The following RAB15 variants were observed in gnomAD, a reference collection of about 807,000 sequenced individuals.
RAB15 encodes ras-related protein Rab-15.
RAB15 carries 13 observed loss-of-function variants against 31.8 expected under a neutral mutation model. The observed-to-expected ratio is 0.41, with a 90% CI of 0.27 to 0.65. The LOEUF (loss-of-function observed/expected upper bound fraction) is 0.65. Ranked by LOEUF, RAB15 falls within the 30% of genes least tolerant of loss-of-function variation. RAB15 has a pLI of 0.32. For missense variants in RAB15, 220 were observed against 277.3 expected (o/e 0.79, Z 1.47); for synonymous variants, 100 against 105.6 (o/e 0.95, Z 0.33).
chr14:64,958,688 G>T lies in RAB15; in HGVS notation c.125-6117C>A, dbSNP rs1192783531. On this transcript the variant is annotated intron_variant, in intron 1 of 6. Coordinates refer to ENST00000533601, the MANE Select transcript of RAB15 (RefSeq NM_001308154.2). The surrounding 1 kb of genome is among the most constrained non-coding windows in gnomAD (Gnocchi z 4.4). The stretch of plus-strand genomic sequence containing the variant: ...TTTCTTGGGTACAGAAAGAAATAGG[G>T]CACAGAAGTGTTAAGAAACAAGCAA... Among the ~76,000 whole-genome samples the T allele has an allele frequency of 2.0e-5, 3 of 152,002 alleles. No homozygotes were observed. Among genetic ancestry groups the T allele is most frequent in the African/African-American group, 7.3e-5 (3 of 41,374 alleles).
In RAB15 at chr14:64,968,628, T is replaced by G. The variant is rs1015705622; in HGVS notation, c.124+3325A>C. ...ATCTCATTTTGGCACTAGCTCTTTG[T>G]TTTTTGTTTTTCCCTTTGTCTTGCC... On this transcript the variant is annotated intron_variant, in intron 1 of 6. Coordinates refer to ENST00000533601, the MANE Select transcript of RAB15 (RefSeq NM_001308154.2). This position sits in a 1 kb window ranked among gnomAD's most constrained non-coding sequence, Gnocchi z 4.9. Among the ~76,000 whole-genome samples, 1 of 152,104 alleles carries G rather than the reference T, an allele frequency of 6.6e-6. No homozygotes were observed. Among genetic ancestry groups the G allele is most frequent in the African/African-American group, 2.4e-5 (1 of 41,462 alleles).
chr14:64,949,489 G>A (rs902607527), intron 5 of RAB15, among the ~76,000 whole-genome samples: 2 of 151,938 alleles, frequency 1.3e-5, no homozygotes, highest in African/African-American at 4.8e-5. Context: ...GGGAGACTGA[G>A]GCAGGTGGAT....
chr14:64,971,874 T>C lies in RAB15; in HGVS notation c.124+79A>G. On this transcript the variant is annotated intron_variant, in intron 1 of 6. Transcript: ENST00000533601. The surrounding 1 kb of genome is among the most constrained non-coding windows in gnomAD (Gnocchi z 4.1). ...TCCAGCCGGAGGGGCTGGCAATTCC[T>C]CCCCAGCTGGGGACGGGGGCGGCGG... 7.3e-7 allele frequency: 1 copy of C among 1,374,876 alleles called. No homozygotes were observed. The highest frequency in any genetic ancestry group is 1.3e-5 in the South Asian group (1 of 78,052). 85.2% of individuals were successfully genotyped at this position (1,374,876 alleles called of 1,614,324 possible).
chr14:64,951,274 G>T lies in RAB15; in HGVS notation c.247-123C>A. The stretch of plus-strand genomic sequence containing the variant: ...TCCCATTCTCCCTGCTCAGCATCCA[G>T]AAATATCTCTTCTCTCAGACCCCAC... On this transcript the variant is annotated intron_variant, in intron 3 of 6. Coordinates refer to ENST00000533601, the MANE Select transcript of RAB15 (RefSeq NM_001308154.2). This position sits in a 1 kb window ranked among gnomAD's most constrained non-coding sequence, Gnocchi z 7.2. 1 of 790,454 alleles carries T rather than the reference G, an allele frequency of 1.3e-6. No homozygotes were observed. The highest frequency in any genetic ancestry group is 2.0e-6 in the Non-Finnish European group (1 of 488,326). The allele number at this position is 790,454 out of a possible 1,614,324, so 49.0% of individuals were successfully genotyped here.
Position 64,959,848 on chromosome 14 carries a change from CAAAA to C in RAB15, c.125-7281_125-7278del, listed in dbSNP as rs34981340. On this transcript the variant is annotated intron_variant, in intron 1 of 6. Coordinates refer to ENST00000533601, the MANE Select transcript of RAB15 (RefSeq NM_001308154.2). ...TGAGTGACAGAGCAGGACCCTGTCT[CAAAA>C]AAAAAAAAAAAAAAAAAAAAGCAAT... Among the ~76,000 whole-genome samples the C allele has an allele frequency of 2.0e-3, 84 of 42,054 alleles. No homozygotes were observed. The East Asian group carries it at 0.042, about 21-fold the overall frequency. The allele number at this position is 42,054 out of a possible 152,430, so 27.6% of individuals were successfully genotyped here.
chr14:64,962,244 AAC>A lies in RAB15; in HGVS notation c.125-9675_125-9674del, dbSNP rs1671451628. On this transcript the variant is annotated intron_variant, in intron 1 of 6. Coordinates refer to ENST00000533601, the MANE Select transcript of RAB15 (RefSeq NM_001308154.2). The surrounding 1 kb of genome is among the most constrained non-coding windows in gnomAD (Gnocchi z 4.2). Reference sequence around the variant, plus strand: ...AACAAAACAAAACAAACAAACAAAAAACAGTCCCAAGAAACCAATACGACCTA... The same window carrying A: ...AACAAAACAAAACAAACAAACAAAAAAGTCCCAAGAAACCAATACGACCTA... Among the ~76,000 whole-genome samples the A allele has an allele frequency of 6.6e-6, 1 of 152,058 alleles. No individual in the cohort carries two copies. The highest frequency in any genetic ancestry group is 2.1e-4 in the South Asian group (1 of 4,820).
chr14:64,947,949 AG>A lies in RAB15; in HGVS notation c.*404del. 1 of 171,494 alleles carries A rather than the reference AG, an allele frequency of 5.8e-6. No individual in the cohort carries two copies. The highest frequency in any genetic ancestry group is 1.2e-5 in the Non-Finnish European group (1 of 81,516). 10.6% of individuals were successfully genotyped at this position (171,494 alleles called of 1,614,324 possible). A position where few individuals can be genotyped will look rare whatever the true frequency, so the allele number is the denominator to read the frequency against. Reference sequence around the variant, plus strand: ...TTTGATACGAAACGCACCGGAGGGGAGGGGTCAGAGAAAGAGAAGTGGGGGA... The same window carrying A: ...TTTGATACGAAACGCACCGGAGGGGAGGGTCAGAGAAAGAGAAGTGGGGGA... On this transcript the variant is annotated 3_prime_UTR_variant, in exon 7 of 7. Coordinates refer to ENST00000533601, the MANE Select transcript of RAB15 (RefSeq NM_001308154.2). The surrounding 1 kb of genome is among the most constrained non-coding windows in gnomAD (Gnocchi z 5.6).
At chr14:64,964,518 C>CAAAAAA (rs1257040368) in intron 1 of RAB15, among the ~76,000 whole-genome samples, 1 of 71,888 alleles carries the variant, frequency 1.4e-5, no homozygotes, top group Non-Finnish European at 2.7e-5. Context: ...GACTCTGTTT[C>CAAAAAA]AAAAAAAAAA....
At chr14:64,949,604 TCTC>T (rs1280485543) in intron 5 of RAB15, among the ~76,000 whole-genome samples, 3 of 151,806 alleles carry the variant, frequency 2.0e-5, no homozygotes, top group African/African-American at 7.3e-5. Context: ...GCACCTGTAA[TCTC>T]AGCTACTTGG....
At position 64,951,816 on chromosome 14, in the gene RAB15, G is replaced by A. The variant is rs1365877778; in HGVS notation, c.186-153C>T. 1.3e-5 allele frequency among the ~76,000 whole-genome samples: 2 copies of A among 152,216 alleles called. No homozygotes were observed. The highest frequency in any genetic ancestry group is 2.9e-5 in the Non-Finnish European group (2 of 68,026). The stretch of plus-strand genomic sequence containing the variant: ...TCCCCACAGGGATCTGCAGTCAGAG[G>A]CCTGGTCATCTGTGCTGGTGCTGAC... On this transcript the variant is annotated intron_variant, in intron 2 of 6. Transcript: ENST00000533601. The surrounding 1 kb of genome is among the most constrained non-coding windows in gnomAD (Gnocchi z 7.2).
Position 64,955,843 on chromosome 14 carries a change from T to G in RAB15, c.125-3272A>C, listed in dbSNP as rs1046883224. Reference sequence around the variant, plus strand: ...CTTTAGTATCCGTGAGAAGAAGAGATATTCTCCATCTATCTCTGCCTCCAG... The same window carrying G: ...CTTTAGTATCCGTGAGAAGAAGAGAGATTCTCCATCTATCTCTGCCTCCAG... On this transcript the variant is annotated intron_variant, in intron 1 of 6. Transcript: ENST00000533601. The surrounding 1 kb of genome is among the most constrained non-coding windows in gnomAD (Gnocchi z 4.4). Among the ~76,000 whole-genome samples, 2 of 152,220 alleles carry G rather than the reference T, an allele frequency of 1.3e-5. No individual in the cohort carries two copies. Among genetic ancestry groups the G allele is most frequent in the African/African-American group, 2.4e-5 (1 of 41,454 alleles).
rs142970887 is a variant in RAB15, at chr14:64,969,293, G to A, written c.124+2660C>T. ...ACTATGACTTGGTAGCACTCATTTC[G>A]TTGGCTCCTTGATTTGTCTCCTGGC... is the stretch of plus-strand genomic sequence containing the variant. On this transcript the variant is annotated intron_variant, in intron 1 of 6. Coordinates refer to ENST00000533601, the MANE Select transcript of RAB15 (RefSeq NM_001308154.2). 3.4e-4 allele frequency among the ~76,000 whole-genome samples: 52 copies of A among 152,222 alleles called. 1 individual carries two copies. Among genetic ancestry groups the A allele is most frequent in the African/African-American group, 1.0e-3 (43 of 41,542 alleles).
Position 64,954,117 on chromosome 14 carries a change from C to T in RAB15, c.125-1546G>A, listed in dbSNP as rs1297333747. 2.0e-5 allele frequency: 20 copies of T among 985,320 alleles called. No individual in the cohort carries two copies. The highest frequency in any genetic ancestry group is 6.1e-5 in the Admixed American group (1 of 16,264). 61.0% of individuals were successfully genotyped at this position (985,320 alleles called of 1,614,324 possible). A position where few individuals can be genotyped will look rare whatever the true frequency, so the allele number is the denominator to read the frequency against. On this transcript the variant is annotated intron_variant, in intron 1 of 6. Coordinates refer to ENST00000533601, the MANE Select transcript of RAB15 (RefSeq NM_001308154.2). The surrounding 1 kb of genome is among the most constrained non-coding windows in gnomAD (Gnocchi z 4.3). ...GCAGAACGGGCAACCTGAACTAAAT[C>T]GATTTGGTCAGACGTGAATCATTTC...
Position 64,953,800 on chromosome 14 carries a change from T to G in RAB15, c.125-1229A>C. ...TAATTAAGCTTACGTCTTTGTGTACTCCCTGGAGCAAGGTCAGGAGTGGGC... is the reference window on the plus strand; with the variant it reads ...TAATTAAGCTTACGTCTTTGTGTACGCCCTGGAGCAAGGTCAGGAGTGGGC... On this transcript the variant is annotated intron_variant, in intron 1 of 6. Coordinates refer to ENST00000533601, the MANE Select transcript of RAB15 (RefSeq NM_001308154.2). The surrounding 1 kb of genome is among the most constrained non-coding windows in gnomAD (Gnocchi z 4.6). 2 of 985,378 alleles carry G rather than the reference T, an allele frequency of 2.0e-6. No individual in the cohort carries two copies. The highest frequency in any genetic ancestry group is 2.4e-6 in the Non-Finnish European group (2 of 829,910). The allele number at this position is 985,378 out of a possible 1,614,324, so 61.0% of individuals were successfully genotyped here.
chr14:64,956,913 G>A (rs566380846), intron 1 of RAB15, among the ~76,000 whole-genome samples: 1 of 151,204 alleles, frequency 6.6e-6, no homozygotes, highest in Non-Finnish European at 1.5e-5. Flanking sequence ...CTTCAGGCAA[G>A]TCTCAACTTC....
chr14:64,948,295 G>C lies in RAB15; in HGVS notation c.*59C>G, dbSNP rs1047008861. 1.0e-5 allele frequency: 15 copies of C among 1,434,970 alleles called. No homozygotes were observed. The highest frequency in any genetic ancestry group is 1.2e-5 in the Non-Finnish European group (13 of 1,095,364). 88.9% of individuals were successfully genotyped at this position (1,434,970 alleles called of 1,614,324 possible). On this transcript the variant is annotated 3_prime_UTR_variant, in exon 7 of 7. Transcript: ENST00000533601. This position sits in a 1 kb window ranked among gnomAD's most constrained non-coding sequence, Gnocchi z 7.0. ...AGCAGGGCAAAGCCCCGGCTCCCCTGTCTGCCCACGGGCCTCCTGAGGGAA... is the reference window on the plus strand; with the variant it reads ...AGCAGGGCAAAGCCCCGGCTCCCCTCTCTGCCCACGGGCCTCCTGAGGGAA...
rs1030275648 is a variant in RAB15, at chr14:64,951,244, C to T, written c.247-93G>A. 5 of 1,029,628 alleles carry T rather than the reference C, an allele frequency of 4.9e-6. No homozygotes were observed. Among genetic ancestry groups the T allele is most frequent in the African/African-American group, 1.6e-5 (1 of 63,680 alleles). The allele number at this position is 1,029,628 out of a possible 1,614,324, so 63.8% of individuals were successfully genotyped here. ...CCGTGGAAACTTAAAGGTTGGGTCC[C>T]ACTCTCCCATTCTCCCTGCTCAGCA... is the stretch of plus-strand genomic sequence containing the variant. On this transcript the variant is annotated intron_variant, in intron 3 of 6. Transcript: ENST00000533601. The surrounding 1 kb of genome is among the most constrained non-coding windows in gnomAD (Gnocchi z 7.2).
At chr14:64,964,767 A>G (rs61278684) in intron 1 of RAB15, among the ~76,000 whole-genome samples, 27 of 151,776 alleles carry the variant, frequency 1.8e-4, no homozygotes, top group East Asian at 8.0e-4. Flanking sequence ...AGTAGAGATG[A>G]GGTTTCACTA....
chr14:64,951,785 C>T lies in RAB15; in HGVS notation c.186-122G>A. 1.2e-6 allele frequency: 1 copy of T among 812,256 alleles called. No homozygotes were observed. Among genetic ancestry groups the T allele is most frequent in the Admixed American group, 1.9e-5 (1 of 51,696 alleles). 50.3% of individuals were successfully genotyped at this position (812,256 alleles called of 1,614,324 possible). On this transcript the variant is annotated intron_variant, in intron 2 of 6. Transcript: ENST00000533601. The surrounding 1 kb of genome is among the most constrained non-coding windows in gnomAD (Gnocchi z 7.2). ...GCTAAAGGGTGAAAAACCAGGGATG[C>T]TTGGATCCCCACAGGGATCTGCAGT...
Sources: allele counts gnomAD v4.1 joint callset (sites outside exome capture counted in the v4.1 genomes callset), GRCh38; gene constraint gnomAD v4.1.1; non-coding constraint Gnocchi (gnomAD v3.1); transcripts MANE v1.5; gene names NCBI Gene and HGNC (gene_info 2026-07-23, HGNC 2026-07-21).